The following TRIM22 variants were observed in gnomAD, a reference collection of about 807,000 sequenced individuals.
TRIM22 encodes E3 ubiquitin-protein ligase TRIM22.
In TRIM22, 45 loss-of-function variants were observed where a neutral mutation model predicts 53.6. That is an observed-to-expected ratio of 0.84 (90% CI 0.66 to 1.08). TRIM22 has a LOEUF of 1.08. TRIM22 is among the 50% of genes least tolerant of loss of function. TRIM22 has a pLI of 0.00. For synonymous variants in TRIM22, 225 were observed against 216.6 expected (o/e 1.04, Z -0.34); for missense variants, 616 against 590.9 (o/e 1.04, Z -0.44).
chr11:5,701,974 C>T (rs1853379308), intron 4 of TRIM22, among the ~76,000 whole-genome samples: 1 of 151,126 alleles, frequency 6.6e-6, no homozygotes, highest in African/African-American at 2.4e-5. Context: ...CTTTTTCTGC[C>T]CTCTTTTAAC....
chr11:5,696,884 A>G, intron 2 of TRIM22: 1 of 544,392 alleles, frequency 1.8e-6, no homozygotes, highest in Non-Finnish European at 3.2e-6. Context: ...GAATGAATGG[A>G]GAATTGCTTT....
intron 4 of TRIM22, among the ~76,000 whole-genome samples, chr11:5,702,908 G>T (rs1325567052): frequency 6.6e-6 from 1 of 152,098 alleles, no homozygotes. Context: ...AGTCATGGGT[G>T]TTATTCTTTC....
At chr11:5,694,087 G>T (rs972478606) in intron 1 of TRIM22, among the ~76,000 whole-genome samples, 2 of 152,112 alleles carry the variant, frequency 1.3e-5, no homozygotes, top group Admixed American at 6.6e-5. Flanking sequence ...GTTGGATAAG[G>T]GTCTACCCTA....
At position 5,696,493 on chromosome 11, in the gene TRIM22, C is replaced by A. The variant is rs576448178; in HGVS notation, c.261C>A (p.Ser87Arg). The A allele has an allele frequency of 6.2e-7, 1 of 1,614,190 alleles. No individual in the cohort carries two copies. Among genetic ancestry groups the A allele is most frequent in the South Asian group, 1.1e-5 (1 of 91,076 alleles). ...IVERVKEVKM[S>R]PQEGQKRDVC... is the part of the protein sequence containing the mutation. ...AGAGAGTCAAAGAGGTCAAGATGAG[C>A]CCACAGGAGGGGCAGAAGAGAGATG... is the stretch of plus-strand genomic sequence containing the variant. The change falls in exon 2 of 8, where the codon AGC becomes AGA. Residue 87 changes from serine to arginine, a missense_variant. Transcript: ENST00000379965.
At chr11:5,700,867 C>T (rs764404380) in intron 4 of TRIM22, among the ~76,000 whole-genome samples, 10 of 151,764 alleles carry the variant, frequency 6.6e-5, no homozygotes, top group African/African-American at 1.5e-4. Flanking sequence ...CAGATGCACC[C>T]GGCCGAGAAA....
chr11:5,708,037 C>T, intron 5 of TRIM22, 136 bp from the exon 6 acceptor site: 1 of 641,192 alleles, frequency 1.6e-6, no homozygotes, highest in Non-Finnish European at 2.8e-6. Context: ...CAGTGTCAGG[C>T]ATCTCCCCTC....
chr11:5,692,446 G>C (rs1280177080), intron 1 of TRIM22, among the ~76,000 whole-genome samples: 1 of 152,204 alleles, frequency 6.6e-6, no homozygotes, highest in Non-Finnish European at 1.5e-5. Flanking sequence ...ATATTGACCA[G>C]AGAGTTAGAA....
intron 7 of TRIM22, 64 bp downstream of exon 7, chr11:5,708,667 A>C (rs373174682): frequency 7.0e-7 from 1 of 1,430,980 alleles, no homozygotes; most frequent in African/African-American, 1.4e-5. Flanking sequence ...TAGATCTCAT[A>C]ATCTGAGTCT....
In TRIM22 at chr11:5,709,476, G is replaced by T. The variant is rs756327183; in HGVS notation, c.1325G>T (p.Arg442Leu). The T allele has an allele frequency of 3.7e-6, 6 of 1,614,062 alleles. No individual in the cohort carries two copies. Among genetic ancestry groups the T allele is most frequent in the South Asian group, 2.2e-5 (2 of 91,076 alleles). The change falls in exon 8 of 8, where the codon CGT (arginine) becomes CTT (leucine). Residue 442 changes from arginine (R) to leucine (L), a missense_variant. Transcript: ENST00000379965. Reference protein sequence around the residue: ...LTLFMAVPPCRIGVFLDYEAG... With the variant: ...LTLFMAVPPCLIGVFLDYEAG... ...CTCTTTATGGCTGTGCCTCCCTGTC[G>T]TATTGGGGTTTTCCTAGACTATGAG...
chr11:5,696,865 G>T, intron 2 of TRIM22: 1 of 577,154 alleles, frequency 1.7e-6, no homozygotes, highest in Non-Finnish European at 2.9e-6. Flanking sequence ...TTTTTAGCAA[G>T]GAAAAGTTGA....
chr11:5,696,714 A>G, intron 2 of TRIM22, 59 bp downstream of exon 2: 1 of 1,525,256 alleles, frequency 6.6e-7, no homozygotes, highest in Non-Finnish European at 8.8e-7. Context: ...CTAATGTGAA[A>G]TCTCCACTTT....
At chr11:5,706,755 T>G (rs1442286358) in intron 5 of TRIM22, 139 bp downstream of exon 5, 8 of 888,600 alleles carry the variant, frequency 9.0e-6, no homozygotes. Context: ...AAATTGCTAG[T>G]CACAGATTAA....
chr11:5,700,766 G>T (rs112248960), intron 4 of TRIM22, among the ~76,000 whole-genome samples: 12,714 of 151,440 alleles, frequency 0.084, 544 homozygotes, highest in African/African-American at 0.11. Flanking sequence ...GGGACTGCAG[G>T]CCGCCCACCA....
intron 1 of TRIM22, among the ~76,000 whole-genome samples, chr11:5,692,116 G>A (rs115575674): frequency 3.0e-4 from 46 of 152,202 alleles, no homozygotes; most frequent in African/African-American, 1.0e-3. Context: ...AAGTAAACAC[G>A]CAGTCAAAAA....
rs1853543149 is a variant in TRIM22, at chr11:5,710,521, G to A, written c.*873G>A. The A allele has an allele frequency of 6.6e-6, 1 of 152,168 alleles. No homozygotes were observed. The highest frequency in any genetic ancestry group is 6.5e-5 in the Admixed American group (1 of 15,276). The allele number at this position is 152,168 out of a possible 1,614,324, so 9.4% of individuals were successfully genotyped here. On this transcript the variant is annotated 3_prime_UTR_variant, in exon 8 of 8. Coordinates refer to ENST00000379965, the MANE Select transcript of TRIM22 (RefSeq NM_006074.5). The stretch of plus-strand genomic sequence containing the variant: ...ACAAAATTAAAGCAAGAAGTCCATA[G>A]TAATTTATTTGCTAATAGTGGATTT...
In TRIM22 at chr11:5,697,377, C is replaced by T. The variant is rs749253174; in HGVS notation, c.519+34C>T. ...AGACACCTCCTAAGGGATAATTAGA[C>T]AGGAATCTGGGCAGGACCCTGGGCT... On this transcript the variant is annotated intron_variant, in intron 3 of 7. Coordinates refer to ENST00000379965, the MANE Select transcript of TRIM22 (RefSeq NM_006074.5). 3.3e-6 allele frequency: 5 copies of T among 1,536,578 alleles called. No homozygotes were observed. In the South Asian group the frequency reaches 5.8e-5, roughly 18 times the overall value.
At chr11:5,699,560 A>AAAAAAAAAAC (rs1215555784) in intron 4 of TRIM22, among the ~76,000 whole-genome samples, 1 of 124,868 alleles carries the variant, frequency 8.0e-6, no homozygotes, top group Non-Finnish European at 1.6e-5. Context: ...AAAAAAAAAA[A>AAAAAAAAAAC]AAAAAAAAAG....
chr11:5,708,290 G>A lies in TRIM22; in HGVS notation c.874+17G>A. 2 of 1,603,016 alleles carry A rather than the reference G, an allele frequency of 1.2e-6. No individual in the cohort carries two copies. The highest frequency in any genetic ancestry group is 1.7e-6 in the Non-Finnish European group (2 of 1,169,980). ...TTCTTAAAGGTAAGGGGATTCAGGGGAAGGCTGTGAATGTGGATTTCTTAG... is the reference window on the plus strand; with the variant it reads ...TTCTTAAAGGTAAGGGGATTCAGGGAAAGGCTGTGAATGTGGATTTCTTAG... On this transcript the variant is annotated intron_variant, in intron 6 of 7. Transcript: ENST00000379965.
At chr11:5,701,051 C>T (rs1370625776) in intron 4 of TRIM22, among the ~76,000 whole-genome samples, 1 of 151,874 alleles carries the variant, frequency 6.6e-6, no homozygotes, top group African/African-American at 2.4e-5. Flanking sequence ...TGAATAAATC[C>T]CACTTACTTG....
Sources: gnomAD v4.1 joint callset for allele counts (sites outside exome capture counted in the v4.1 genomes callset) on GRCh38, gnomAD v4.1.1 for gene constraint, MANE v1.5 for transcripts, NCBI Gene and HGNC (gene_info 2026-07-23, HGNC 2026-07-21) for gene names.